MYO1D: variants seen among roughly 807,000 people sequenced by gnomAD.
MYO1D encodes the protein unconventional myosin-Id.
A neutral mutation model predicts 122.0 loss-of-function variants in MYO1D; 83 were observed. That is an observed-to-expected ratio of 0.68 (90% CI 0.57 to 0.82). The LOEUF (loss-of-function observed/expected upper bound fraction) is 0.82, where lower values mean the gene tolerates loss of function less well. Ranked by LOEUF, MYO1D falls within the 40% of genes least tolerant of loss-of-function variation. The pLI is 0.00. For missense variants in MYO1D, 1,157 were observed against 1,269.5 expected (o/e 0.91, Z 1.35); for synonymous variants, 464 against 446.9 (o/e 1.04, Z -0.48).
chr17:32,808,081 A>G (rs1329171860), intron 1 of MYO1D, among the ~76,000 whole-genome samples: 1 of 152,092 alleles, frequency 6.6e-6, no homozygotes, highest in African/African-American at 2.4e-5. Flanking sequence ...GTGGGGGAAA[A>G]TTTCTTCAAG....
At chr17:32,588,418 T>C (rs543082355) in intron 21 of MYO1D, among the ~76,000 whole-genome samples, 10 of 152,348 alleles carry the variant, frequency 6.6e-5, no homozygotes, top group African/African-American at 2.4e-4. Flanking sequence ...CCAAACAGCA[T>C]ACCTGTACAT....
intron 14 of MYO1D, among the ~76,000 whole-genome samples, chr17:32,731,073 A>AT (rs1304500293): frequency 2.6e-5 from 4 of 151,966 alleles, no homozygotes; most frequent in Non-Finnish European, 2.9e-5. Context: ...CACCTGGCTA[A>AT]TTTTTTTGTA....
intron 16 of MYO1D, among the ~76,000 whole-genome samples, chr17:32,706,735 TG>T (rs2089312836): frequency 6.6e-6 from 1 of 152,132 alleles, no homozygotes; most frequent in South Asian, 2.1e-4. Context: ...CTCACTCTGT[TG>T]CCCAGGCTGG....
intron 21 of MYO1D, among the ~76,000 whole-genome samples, chr17:32,556,351 C>A (rs1274158356): frequency 6.6e-6 from 1 of 152,090 alleles, no homozygotes; most frequent in Non-Finnish European, 1.5e-5. Flanking sequence ...CAAGGCCTGG[C>A]CCACTGCAGG....
At chr17:32,787,303 A>G (rs774664966) in intron 1 of MYO1D, among the ~76,000 whole-genome samples, 1 of 152,158 alleles carries the variant, frequency 6.6e-6, no homozygotes, top group Non-Finnish European at 1.5e-5. Context: ...TTTTTACCTC[A>G]ATAGTTTTTG....
chr17:32,520,078 A>G (rs1225281337), intron 21 of MYO1D, among the ~76,000 whole-genome samples: 3 of 152,188 alleles, frequency 2.0e-5, no homozygotes, highest in African/African-American at 4.8e-5. Context: ...TTCCTGCTCC[A>G]GAAAAAGAAA....
intron 16 of MYO1D, among the ~76,000 whole-genome samples, chr17:32,693,293 G>C (rs1256955621): frequency 4.0e-5 from 6 of 151,566 alleles, no homozygotes; most frequent in Admixed American, 2.0e-4. Flanking sequence ...CACCTATAGG[G>C]GCCAGAAAAT....
At chr17:32,638,448 C>T (rs899515360) in intron 20 of MYO1D, among the ~76,000 whole-genome samples, 9 of 152,210 alleles carry the variant, frequency 5.9e-5, no homozygotes, top group South Asian at 2.1e-4. Context: ...ATGCATTATA[C>T]GCCAGTGCAT....
intron 21 of MYO1D, among the ~76,000 whole-genome samples, chr17:32,550,863 T>C (rs1332479425): frequency 6.6e-6 from 1 of 151,974 alleles, no homozygotes; most frequent in Non-Finnish European, 1.5e-5. Flanking sequence ...AGGTTTCAGC[T>C]ACTTGGGTGG....
intron 1 of MYO1D, among the ~76,000 whole-genome samples, chr17:32,838,350 G>A (rs904680579): frequency 1.3e-5 from 2 of 151,992 alleles, no homozygotes; most frequent in South Asian, 2.1e-4. Flanking sequence ...TTTTAGACAC[G>A]AAATAGTCTG....
intron 16 of MYO1D, among the ~76,000 whole-genome samples, chr17:32,671,855 A>T (rs1182323323): frequency 6.6e-6 from 1 of 152,210 alleles, no homozygotes; most frequent in Non-Finnish European, 1.5e-5. Context: ...AAAAGGAAAA[A>T]GTTCAATAAT....
intron 21 of MYO1D, among the ~76,000 whole-genome samples, chr17:32,538,992 C>T (rs1910749035): frequency 1.3e-5 from 2 of 152,038 alleles, no homozygotes; most frequent in African/African-American, 4.8e-5. Flanking sequence ...GGATAAATAG[C>T]TAATGCATGC....
chr17:32,493,200 G>C lies in MYO1D; in HGVS notation c.*1559C>G, dbSNP rs1227408131. On this transcript the variant is annotated 3_prime_UTR_variant, in exon 22 of 22. Transcript: ENST00000318217. ...TCTGCCTGTGCAGGCAGCTGACCAGGCTTGGAGAATGAGAAAGGGTTCCCA... is the reference window on the plus strand; with the variant it reads ...TCTGCCTGTGCAGGCAGCTGACCAGCCTTGGAGAATGAGAAAGGGTTCCCA... 1 of 152,306 alleles carries C rather than the reference G, an allele frequency of 6.6e-6. No individual in the cohort carries two copies. The highest frequency in any genetic ancestry group is 2.4e-5 in the African/African-American group (1 of 41,448). The allele number at this position is 152,306 out of a possible 1,614,324, so 9.4% of individuals were successfully genotyped here.
At chr17:32,679,036 T>C (rs2088867360) in intron 16 of MYO1D, among the ~76,000 whole-genome samples, 2 of 151,016 alleles carry the variant, frequency 1.3e-5, no homozygotes, top group African/African-American at 4.9e-5. Flanking sequence ...TTCATGTGTT[T>C]TTTGGCTGCA....
intron 1 of MYO1D, among the ~76,000 whole-genome samples, chr17:32,875,872 A>C (rs1322764893): frequency 6.6e-6 from 1 of 152,246 alleles, no homozygotes; most frequent in Non-Finnish European, 1.5e-5. Flanking sequence ...AAACTCAGCT[A>C]TTTTGAAATT....
At chr17:32,843,346 T>C (rs918880942) in intron 1 of MYO1D, among the ~76,000 whole-genome samples, 3 of 152,158 alleles carry the variant, frequency 2.0e-5, no homozygotes, top group African/African-American at 4.8e-5. Flanking sequence ...AAAGCTTACA[T>C]ACCACACTGA....
chr17:32,617,049 C>T (rs1196951099), intron 20 of MYO1D, among the ~76,000 whole-genome samples: 2 of 152,072 alleles, frequency 1.3e-5, no homozygotes, highest in Admixed American at 6.6e-5. Flanking sequence ...GGCATGGTGG[C>T]GCATGCCTGT....
chr17:32,688,920 AGTG>A (rs1181737395), intron 16 of MYO1D, among the ~76,000 whole-genome samples: 9 of 146,560 alleles, frequency 6.1e-5, no homozygotes, highest in Admixed American at 3.4e-4. Flanking sequence ...TGATTTTTGA[AGTG>A]TGTGTGTGTG....
chr17:32,653,886 T>C lies in MYO1D; in HGVS notation c.2552A>G (p.Lys851Arg). 6.2e-7 allele frequency: 1 copy of C among 1,614,070 alleles called. No homozygotes were observed. The change falls in exon 19 of 22, where the codon AAG becomes AGG. Residue 851 changes from lysine to arginine, a missense_variant. By Grantham distance (26) the Lys-to-Arg change is conservative. Coordinates refer to ENST00000318217, the MANE Select transcript of MYO1D (RefSeq NM_015194.3). ...FVPVANELKR[K>R]DKYMNVLFSC... is the part of the protein sequence containing the mutation. ...AAAGAGGACATTCATGTATTTGTCC[T>C]TCCGTTTCAATTCATTAGCAACAGG...
Sources: gnomAD v4.1 joint callset for allele counts (sites outside exome capture counted in the v4.1 genomes callset) on GRCh38, gnomAD v4.1.1 for gene constraint, MANE v1.5 for transcripts, NCBI Gene and HGNC (gene_info 2026-07-23, HGNC 2026-07-21) for gene names.